Variants in TFPI observed in about 807,000 individuals in gnomAD.
The protein encoded by TFPI is tissue factor pathway inhibitor.
Under a neutral mutation model 34.6 loss-of-function variants are expected in TFPI, and 15 were observed. The ratio of observed to expected loss-of-function variants is 0.43; its 90% CI spans 0.29 to 0.67. The LOEUF (loss-of-function observed/expected upper bound fraction) is 0.67. Among genes scored for constraint, TFPI ranks in the 30% least tolerant of loss-of-function variants. TFPI has a pLI of 0.15. For missense variants in TFPI, 301 were observed against 364.0 expected (o/e 0.83, Z 1.41); for synonymous variants, 105 against 120.1 (o/e 0.87, Z 0.82).
rs8176455 is a variant in TFPI, at chr2:187,495,814, G to C, written c.319+1067C>G. 1.0e-2 allele frequency among the ~76,000 whole-genome samples: 1,517 copies of C among 152,112 alleles called. 17 individuals are homozygous for C. The highest frequency in any genetic ancestry group is 0.035 in the African/African-American group (1,443 of 41,494). On this transcript the variant is annotated intron_variant, in intron 3 of 7. Coordinates refer to ENST00000233156, the MANE Select transcript of TFPI (RefSeq NM_006287.6). ...ATATCATTTCTGTATCACCTCAATT[G>C]TATCCAACCAGCTCTACGAACATGC...
intron 1 of TFPI, chr2:187,518,475 C>T (rs1687157002): frequency 6.6e-6 from 1 of 152,240 alleles, no homozygotes; most frequent in Non-Finnish European, 1.5e-5. Context: ...GCCCCACTCT[C>T]TTCTGGCTTG....
chr2:187,496,867 T>G lies in TFPI; in HGVS notation c.319+14A>C. On this transcript the variant is annotated intron_variant, in intron 3 of 7. Coordinates refer to ENST00000233156, the MANE Select transcript of TFPI (RefSeq NM_006287.6). The stretch of plus-strand genomic sequence containing the variant: ...CTAAAGGGTCTTGAGTAATAAGGGT[T>G]CCCAGAAACCTACCTCTTGTACACA... 5 of 1,611,954 alleles carry G rather than the reference T, an allele frequency of 3.1e-6. No homozygotes were observed. The highest frequency in any genetic ancestry group is 4.2e-6 in the Non-Finnish European group (5 of 1,178,878).
chr2:187,480,751 G>A (rs750313865), intron 6 of TFPI, among the ~76,000 whole-genome samples: 3 of 152,138 alleles, frequency 2.0e-5, no homozygotes, highest in Middle Eastern at 3.4e-3. Flanking sequence ...ATGCACTCAC[G>A]CTCAGGGATA....
Position 187,484,158 on chromosome 2 carries a change from C to T in TFPI, c.594G>A (p.Leu198=). ...TGGGAACCTTGGTTGATTGCGGAGTCAGGGAGTTATTCACAGCATTGAGCT... is the reference window on the plus strand; with the variant it reads ...TGGGAACCTTGGTTGATTGCGGAGTTAGGGAGTTATTCACAGCATTGAGCT... ...GTQLNAVNNS[L]TPQSTKVPSL... Residue 198 remains leucine (L), a synonymous_variant, in exon 6 of 8, where the codon CTG becomes CTA. Transcript: ENST00000233156. 3.7e-6 allele frequency: 6 copies of T among 1,612,420 alleles called. No homozygotes were observed. Among genetic ancestry groups the T allele is most frequent in the Non-Finnish European group, 5.1e-6 (6 of 1,178,866 alleles).
chr2:187,528,858 G>T (rs1198743969), intron 1 of TFPI, among the ~76,000 whole-genome samples: 12 of 136,558 alleles, frequency 8.8e-5, no homozygotes, highest in African/African-American at 3.6e-4. Context: ...GATAGTGTTG[G>T]TAAAAAAAAA....
chr2:187,503,858 T>C (rs1686017963), intron 1 of TFPI, 88 bp from the exon 2 acceptor site: 6 of 1,425,940 alleles, frequency 4.2e-6, no homozygotes, highest in South Asian at 1.4e-5. Context: ...GTGTACCTCA[T>C]ATGCAAATTT....
intron 1 of TFPI, among the ~76,000 whole-genome samples, chr2:187,520,221 G>T (rs958130117): frequency 6.6e-6 from 1 of 152,090 alleles, no homozygotes; most frequent in East Asian, 1.9e-4. Flanking sequence ...AGCTAACTTG[G>T]TGTCTGCACA....
At chr2:187,485,540 A>C (rs995958880) in intron 4 of TFPI, among the ~76,000 whole-genome samples, 2 of 151,744 alleles carry the variant, frequency 1.3e-5, no homozygotes, top group Admixed American at 6.6e-5. Context: ...TAGGTAGGAC[A>C]TCCTTTACTG....
At chr2:187,477,477 C>T (rs908595030) in intron 6 of TFPI, among the ~76,000 whole-genome samples, 3 of 151,832 alleles carry the variant, frequency 2.0e-5, no homozygotes, top group Admixed American at 1.3e-4. Context: ...TTTGTTTGTT[C>T]GTTTTTTAAG....
chr2:187,484,111 A>C lies in TFPI; in HGVS notation c.628+13T>G. On this transcript the variant is annotated intron_variant, in intron 6 of 7. Coordinates refer to ENST00000233156, the MANE Select transcript of TFPI (RefSeq NM_006287.6). Reference sequence around the variant, plus strand: ...TAGTTTCCTGGAAGCAATAAAATCCACAAGATTCTTACCAAAAAGGCTGGG... The same window carrying C: ...TAGTTTCCTGGAAGCAATAAAATCCCCAAGATTCTTACCAAAAAGGCTGGG... The C allele has an allele frequency of 6.2e-7, 1 of 1,609,202 alleles. No individual in the cohort carries two copies. The highest frequency in any genetic ancestry group is 8.5e-7 in the Non-Finnish European group (1 of 1,176,138).
chr2:187,497,118 T>A, intron 2 of TFPI, 40 bp from the exon 3 acceptor site: 1 of 1,531,536 alleles, frequency 6.5e-7, no homozygotes, highest in South Asian at 1.2e-5. Context: ...GTAATCTCCA[T>A]CAACACTGTA....
At chr2:187,540,948 A>T (rs1189113047) in intron 1 of TFPI, among the ~76,000 whole-genome samples, 1 of 151,910 alleles carries the variant, frequency 6.6e-6, no homozygotes, top group African/African-American at 2.4e-5. Context: ...CCTTTAATTA[A>T]AGAGGCAACT....
At chr2:187,526,212 A>G (rs1687668553) in intron 1 of TFPI, among the ~76,000 whole-genome samples, 1 of 152,162 alleles carries the variant, frequency 6.6e-6, no homozygotes, top group African/African-American at 2.4e-5. Context: ...ACTGAAAAAT[A>G]GCACTGATTT....
At chr2:187,478,775 C>A in intron 6 of TFPI, 1 of 1,613,446 alleles carries the variant, frequency 6.2e-7, no homozygotes, top group Non-Finnish European at 8.5e-7. Flanking sequence ...CCGCATTCTT[C>A]CAACCATCAT....
chr2:187,472,224 A>G (rs1241764328), intron 6 of TFPI, among the ~76,000 whole-genome samples: 1 of 152,120 alleles, frequency 6.6e-6, no homozygotes, highest in East Asian at 1.9e-4. Flanking sequence ...ACATTTTTAT[A>G]TAGGCCTCAC....
chr2:187,499,940 A>G (rs1379471435), intron 2 of TFPI, among the ~76,000 whole-genome samples: 1 of 152,172 alleles, frequency 6.6e-6, no homozygotes, highest in East Asian at 1.9e-4. Flanking sequence ...TAATACCTGC[A>G]TTGCCATGTA....
intron 1 of TFPI, among the ~76,000 whole-genome samples, chr2:187,545,542 G>T (rs754637039): frequency 6.6e-6 from 1 of 152,082 alleles, no homozygotes; most frequent in Non-Finnish European, 1.5e-5. Context: ...TTTCAACTCA[G>T]ACATAGGAAT....
intron 1 of TFPI, among the ~76,000 whole-genome samples, chr2:187,528,136 C>T (rs935445194): frequency 6.6e-6 from 1 of 151,982 alleles, no homozygotes; most frequent in African/African-American, 2.4e-5. Flanking sequence ...TCATAAAGTA[C>T]TTCTACATCA....
chr2:187,531,590 A>G (rs1474432502), intron 1 of TFPI, among the ~76,000 whole-genome samples: 1 of 152,120 alleles, frequency 6.6e-6, no homozygotes, highest in South Asian at 2.1e-4. Flanking sequence ...TATGATTTAT[A>G]TGATCATGAT....
Sources: gnomAD v4.1 joint callset for allele counts (sites outside exome capture counted in the v4.1 genomes callset) on GRCh38, gnomAD v4.1.1 for gene constraint, MANE v1.5 for transcripts, NCBI Gene and HGNC (gene_info 2026-07-23, HGNC 2026-07-21) for gene names.